The following ANKS1B variants were observed in gnomAD, a reference collection of about 807,000 sequenced individuals.
The protein encoded by ANKS1B is ankyrin repeat and sterile alpha motif domain-containing protein 1B.
A neutral mutation model predicts 148.3 loss-of-function variants in ANKS1B; 36 were observed. The observed-to-expected ratio is 0.24, with a 90% CI of 0.19 to 0.32. The LOEUF is 0.32. Ranked by LOEUF, ANKS1B falls within the 10% of genes least tolerant of loss-of-function variation. The pLI is 1.00. For synonymous variants in ANKS1B, 542 were observed against 560.8 expected, an observed-to-expected ratio of 0.97 and a Z score of 0.47; for missense variants, 1,157 against 1,542.6, an observed-to-expected ratio of 0.75 and a Z score of 4.19.
intron 17 of ANKS1B, among the ~76,000 whole-genome samples, chr12:99,040,906 C>T (rs534629477): frequency 2.6e-5 from 4 of 152,142 alleles, no homozygotes; most frequent in Non-Finnish European, 5.9e-5. Context: ...AGCCAGGATC[C>T]AAATCCCCGC....
intron 17 of ANKS1B, among the ~76,000 whole-genome samples, chr12:99,021,213 G>T (rs2099945616): frequency 6.6e-6 from 1 of 152,034 alleles, no homozygotes; most frequent in Non-Finnish European, 1.5e-5. Flanking sequence ...TTGTTCCCAT[G>T]ACACAAAATT....
intron 8 of ANKS1B, among the ~76,000 whole-genome samples, chr12:99,674,734 TAA>T (rs2098554355): frequency 6.6e-6 from 1 of 151,734 alleles, no homozygotes; most frequent in Non-Finnish European, 1.5e-5. Context: ...ATTTCTACTA[TAA>T]ATAGTAGTAA....
intron 11 of ANKS1B, among the ~76,000 whole-genome samples, chr12:99,425,377 T>C (rs895253840): frequency 1.2e-4 from 19 of 152,098 alleles, no homozygotes; most frequent in Admixed American, 6.5e-4. Flanking sequence ...TTTTCTGTTA[T>C]AAATAGTAGT....
Position 99,188,897 on chromosome 12 carries a change from G to A in ANKS1B, c.2420-34502C>T, listed in dbSNP as rs140196742. ...ACGAAATACCCTTCGAAAAATCAAT[G>A]AATCCAGGAGCTGGTTTTCTGAAAA... On this transcript the variant is annotated intron_variant, in intron 14 of 26. Transcript: ENST00000683438. Among the ~76,000 whole-genome samples, 652 of 152,246 alleles carry A rather than the reference G, an allele frequency of 4.3e-3. 23 individuals are homozygous for A. In the East Asian group the frequency reaches 0.085, roughly 20 times the overall value.
intron 9 of ANKS1B, among the ~76,000 whole-genome samples, chr12:99,644,498 C>A (rs1160536101): frequency 6.6e-6 from 1 of 152,116 alleles, no homozygotes; most frequent in African/African-American, 2.4e-5. Flanking sequence ...TCTTTCTGAG[C>A]CCTTATTAGC....
chr12:99,155,165 G>C, intron 14 of ANKS1B: 1 of 1,425,838 alleles, frequency 7.0e-7, no homozygotes, highest in Non-Finnish European at 9.2e-7. Flanking sequence ...GCTTATAACA[G>C]AGCTCACGAC....
At chr12:98,802,201 G>A (rs1048400157) in intron 20 of ANKS1B, among the ~76,000 whole-genome samples, 1 of 152,208 alleles carries the variant, frequency 6.6e-6, no homozygotes, top group African/African-American at 2.4e-5. Context: ...AGTTGGAAGA[G>A]TGTAAAAAGG....
chr12:99,530,180 T>TG (rs1465022993), intron 9 of ANKS1B, among the ~76,000 whole-genome samples: 2 of 152,202 alleles, frequency 1.3e-5, no homozygotes, highest in African/African-American at 4.8e-5. Flanking sequence ...TGCCAGACTG[T>TG]GGCAAAGAGG....
chr12:99,303,239 A>G (rs938679599), intron 12 of ANKS1B, among the ~76,000 whole-genome samples: 2 of 152,176 alleles, frequency 1.3e-5, no homozygotes, highest in African/African-American at 4.8e-5. Flanking sequence ...TTACAAATCT[A>G]AATTTATAAA....
At chr12:99,651,360 TAAAAA>T (rs1202448554) in intron 9 of ANKS1B, among the ~76,000 whole-genome samples, 2 of 152,188 alleles carry the variant, frequency 1.3e-5, no homozygotes, top group African/African-American at 4.8e-5. Context: ...TGAAAAAATT[TAAAAA>T]TAAAACAATT....
intron 9 of ANKS1B, among the ~76,000 whole-genome samples, chr12:99,570,341 TAA>T (rs72420547): frequency 1.8e-4 from 26 of 147,386 alleles, no homozygotes; most frequent in Admixed American, 3.4e-4. Context: ...ATACTCCAGA[TAA>T]AAAAAAAAAA....
chr12:98,828,176 C>T (rs1282911435), intron 19 of ANKS1B, among the ~76,000 whole-genome samples: 1 of 152,170 alleles, frequency 6.6e-6, no homozygotes, highest in Non-Finnish European at 1.5e-5. Context: ...AAAGAAGACA[C>T]AGTATCCCAG....
chr12:99,756,473 G>A (rs945187155), intron 8 of ANKS1B, among the ~76,000 whole-genome samples: 21 of 151,992 alleles, frequency 1.4e-4, no homozygotes, highest in African/African-American at 4.1e-4. Flanking sequence ...TGGATAGGAA[G>A]AATCAATATC....
At chr12:98,929,900 C>A (rs1250372211) in intron 17 of ANKS1B, among the ~76,000 whole-genome samples, 2 of 152,010 alleles carry the variant, frequency 1.3e-5, no homozygotes, top group Non-Finnish European at 2.9e-5. Context: ...AGCAATGACA[C>A]TGAAAGCACA....
chr12:99,188,895 A>G (rs1484543546), intron 14 of ANKS1B, among the ~76,000 whole-genome samples: 1 of 152,204 alleles, frequency 6.6e-6, no homozygotes, highest in Non-Finnish European at 1.5e-5. Context: ...CGAAAAATCA[A>G]TGAATCCAGG....
chr12:99,187,095 A>T (rs1270719247), intron 14 of ANKS1B, among the ~76,000 whole-genome samples: 1 of 151,936 alleles, frequency 6.6e-6, no homozygotes, highest in Non-Finnish European at 1.5e-5. Flanking sequence ...TCAGAGATTG[A>T]AGATCAACTT....
chr12:99,828,686 G>C (rs982453570), intron 1 of ANKS1B, among the ~76,000 whole-genome samples: 1 of 152,068 alleles, frequency 6.6e-6, no homozygotes, highest in Non-Finnish European at 1.5e-5. Context: ...AAGAAAATCA[G>C]AGATAAAATC....
intron 8 of ANKS1B, among the ~76,000 whole-genome samples, chr12:99,675,079 T>C (rs2098556002): frequency 6.6e-6 from 1 of 151,962 alleles, no homozygotes; most frequent in African/African-American, 2.4e-5. Flanking sequence ...TCAATCAAAC[T>C]GGCATGTTTT....
chr12:98,898,974 T>G (rs1300931579), intron 17 of ANKS1B, among the ~76,000 whole-genome samples: 1 of 152,180 alleles, frequency 6.6e-6, no homozygotes, highest in Non-Finnish European at 1.5e-5. Flanking sequence ...CTTTCCTATA[T>G]TCTCCCTTTG....
Sources: allele counts gnomAD v4.1 joint callset (sites outside exome capture counted in the v4.1 genomes callset), GRCh38; gene constraint gnomAD v4.1.1; transcripts MANE v1.5; gene names NCBI Gene and HGNC (gene_info 2026-07-23, HGNC 2026-07-21).